PARD3B: variants seen among roughly 807,000 people sequenced by gnomAD.
PARD3B encodes partitioning defective 3 homolog B.
A neutral mutation model predicts 130.2 loss-of-function variants in PARD3B; 103 were observed. That is an observed-to-expected ratio of 0.79 (90% CI 0.67 to 0.93). The LOEUF (loss-of-function observed/expected upper bound fraction) is 0.93, where lower values mean the gene tolerates loss of function less well. Among genes scored for constraint, PARD3B ranks in the 40% least tolerant of loss-of-function variants. PARD3B has a pLI of 0.00. For synonymous variants in PARD3B, 583 were observed against 553.2 expected (o/e 1.05, Z -0.76); for missense variants, 1,609 against 1,499.2 (o/e 1.07, Z -1.21).
intron 20 of PARD3B, among the ~76,000 whole-genome samples, chr2:205,484,653 A>G (rs2049369153): frequency 6.6e-6 from 1 of 152,226 alleles, no homozygotes; most frequent in South Asian, 2.1e-4. Flanking sequence ...GGAACGAAGC[A>G]AGGAATCAGA....
At chr2:205,497,227 AG>A (rs2049963010) in intron 20 of PARD3B, among the ~76,000 whole-genome samples, 1 of 150,718 alleles carries the variant, frequency 6.6e-6, no homozygotes, top group Admixed American at 6.6e-5. Flanking sequence ...AAAGAAAGAA[AG>A]GTACGTGATT....
chr2:205,378,464 G>A (rs1045698798), intron 18 of PARD3B, among the ~76,000 whole-genome samples: 1 of 152,110 alleles, frequency 6.6e-6, no homozygotes, highest in Non-Finnish European at 1.5e-5. Flanking sequence ...TTTTACCTCA[G>A]AAGGCCCAAG....
chr2:205,228,211 A>G (rs145573234), intron 15 of PARD3B, among the ~76,000 whole-genome samples: 2 of 152,250 alleles, frequency 1.3e-5, no homozygotes, highest in Admixed American at 6.5e-5. Context: ...TGTACCTTCA[A>G]ATAATATCTC....
intron 3 of PARD3B, among the ~76,000 whole-genome samples, chr2:205,005,721 G>A (rs1695208968): frequency 6.6e-6 from 1 of 152,018 alleles, no homozygotes; most frequent in African/African-American, 2.4e-5. Flanking sequence ...CTAATAAAAG[G>A]TAAAATTAAT....
At chr2:204,595,893 AAAG>A (rs1383781665) in intron 1 of PARD3B, among the ~76,000 whole-genome samples, 3 of 152,254 alleles carry the variant, frequency 2.0e-5, no homozygotes, top group African/African-American at 7.2e-5. Flanking sequence ...TCAGTGAAAC[AAAG>A]AAGTAGAATT....
At chr2:205,510,751 G>A (rs2050558586) in intron 21 of PARD3B, among the ~76,000 whole-genome samples, 1 of 152,144 alleles carries the variant, frequency 6.6e-6, no homozygotes, top group Non-Finnish European at 1.5e-5. Context: ...ATAGGAGGGT[G>A]AGATACAAAG....
At chr2:204,668,690 A>T (rs889707953) in intron 1 of PARD3B, among the ~76,000 whole-genome samples, 12 of 152,316 alleles carry the variant, frequency 7.9e-5, no homozygotes, top group Admixed American at 7.8e-4. Flanking sequence ...AAAAAAGACA[A>T]TACATTCCGT....
At chr2:204,918,427 G>A (rs1236940889) in intron 2 of PARD3B, among the ~76,000 whole-genome samples, 2 of 151,926 alleles carry the variant, frequency 1.3e-5, no homozygotes, top group African/African-American at 2.4e-5. Flanking sequence ...TCAGGAGATC[G>A]AGACCATCCC....
In PARD3B at chr2:205,241,201, G is replaced by T. The variant is rs1380569663; in HGVS notation, c.2141-4577G>T. Among the ~76,000 whole-genome samples, 1 of 152,078 alleles carries T rather than the reference G, an allele frequency of 6.6e-6. No homozygotes were observed. The highest frequency in any genetic ancestry group is 1.9e-4 in the East Asian group (1 of 5,184). On this transcript the variant is annotated intron_variant, in intron 15 of 22. Coordinates refer to ENST00000406610, the MANE Select transcript of PARD3B (RefSeq NM_001302769.2). This position sits in a 1 kb window ranked among gnomAD's most constrained non-coding sequence, Gnocchi z 4.2. ...TCTTCCTGAATCAGAGAACACACCAGGAAATTAACAAGCATCCAAGCCAAA... is the reference window on the plus strand; with the variant it reads ...TCTTCCTGAATCAGAGAACACACCATGAAATTAACAAGCATCCAAGCCAAA...
intron 3 of PARD3B, among the ~76,000 whole-genome samples, chr2:204,982,459 C>T (rs938677258): frequency 1.3e-5 from 2 of 152,194 alleles, no homozygotes; most frequent in Non-Finnish European, 2.9e-5. Flanking sequence ...AAGTTAAGCA[C>T]ACAAGTACAG....
chr2:205,378,767 G>C (rs1416920502), intron 18 of PARD3B, among the ~76,000 whole-genome samples: 1 of 151,816 alleles, frequency 6.6e-6, no homozygotes, highest in East Asian at 1.9e-4. Context: ...GAGTATTTGG[G>C]ACTACAGGCG....
chr2:204,546,094 A>T lies in PARD3B; in HGVS notation c.95A>T (p.Gln32Leu). The T allele has an allele frequency of 6.4e-7, 1 of 1,556,996 alleles. No individual in the cohort carries two copies. Among genetic ancestry groups the T allele is most frequent in the Middle Eastern group, 1.7e-4 (1 of 6,000 alleles). ...RVGELTQQAL[Q>L]RYLKTREKGP... ...GGCGAGCTCACCCAGCAGGCGCTGC[A>T]GCGGTACCTGAAGACCCGGGAGAAG... Residue 32 changes from glutamine (Q) to leucine (L), a missense_variant, in exon 1 of 23, where the codon CAG becomes CTG. Transcript: ENST00000406610.
intron 1 of PARD3B, among the ~76,000 whole-genome samples, chr2:204,612,029 G>A (rs1427194019): frequency 6.6e-6 from 1 of 152,206 alleles, no homozygotes; most frequent in Non-Finnish European, 1.5e-5. Flanking sequence ...TAGACAGTGA[G>A]AATTTCCTTC....
intron 1 of PARD3B, among the ~76,000 whole-genome samples, chr2:204,548,302 C>G (rs1489430280): frequency 6.6e-6 from 1 of 152,126 alleles, no homozygotes; most frequent in African/African-American, 2.4e-5. Context: ...CAGTGAATTT[C>G]TGCACTTCGT....
chr2:204,895,804 ATG>A (rs1164229282), intron 2 of PARD3B, among the ~76,000 whole-genome samples: 4 of 152,182 alleles, frequency 2.6e-5, no homozygotes, highest in Non-Finnish European at 5.9e-5. Flanking sequence ...GAGTATGTGC[ATG>A]AAAGCAAGCA....
chr2:205,372,116 G>A (rs2044843008), intron 18 of PARD3B, among the ~76,000 whole-genome samples: 1 of 152,032 alleles, frequency 6.6e-6, no homozygotes, highest in African/African-American at 2.4e-5. Context: ...ATAATGCTAT[G>A]AATATTCGTG....
intron 2 of PARD3B, among the ~76,000 whole-genome samples, chr2:204,730,873 C>T (rs2039481849): frequency 6.6e-6 from 1 of 152,202 alleles, no homozygotes; most frequent in African/African-American, 2.4e-5. Context: ...AAATTCTTCT[C>T]TGCCATGATT....
intron 15 of PARD3B, among the ~76,000 whole-genome samples, chr2:205,218,161 G>C (rs138181494): frequency 6.6e-6 from 1 of 151,926 alleles, no homozygotes; most frequent in Admixed American, 6.6e-5. Context: ...AAAGTGCTAG[G>C]ATTACAAGAC....
At chr2:204,960,711 C>T (rs1242134996) in intron 2 of PARD3B, among the ~76,000 whole-genome samples, 4 of 152,024 alleles carry the variant, frequency 2.6e-5, no homozygotes, top group African/African-American at 4.8e-5. Flanking sequence ...ATTCACTCTT[C>T]GAGCCAATGG....
Sources: allele counts gnomAD v4.1 joint callset (sites outside exome capture counted in the v4.1 genomes callset), GRCh38; gene constraint gnomAD v4.1.1; non-coding constraint Gnocchi (gnomAD v3.1); transcripts MANE v1.5; gene names NCBI Gene and HGNC (gene_info 2026-07-23, HGNC 2026-07-21).